PTPRN2: variants seen among roughly 807,000 people sequenced by gnomAD.
The protein encoded by PTPRN2 is protein tyrosine phosphatase receptor type N2, also known as receptor-type tyrosine-protein phosphatase N2.
PTPRN2 carries 74 observed loss-of-function variants against 118.8 expected under a neutral mutation model. That is an observed-to-expected ratio of 0.62 (90% CI 0.52 to 0.76). The LOEUF (loss-of-function observed/expected upper bound fraction) is 0.76. PTPRN2 is among the 30% of genes least tolerant of loss of function. The probability of loss-of-function intolerance (pLI) is 0.00; values close to 1 mark genes in which losing one functional copy is unlikely to be tolerated. For missense variants in PTPRN2, 1,481 were observed against 1,394.4 expected, an observed-to-expected ratio of 1.06 and a Z score of -0.99; for synonymous variants, 641 against 608.0, an observed-to-expected ratio of 1.05 and a Z score of -0.80.
rs1803030573 is a variant in PTPRN2, at chr7:157,619,610, T to C, written c.2344+1752A>G. 6.6e-6 allele frequency among the ~76,000 whole-genome samples: 1 copy of C among 152,252 alleles called. No individual in the cohort carries two copies. The highest frequency in any genetic ancestry group is 1.5e-5 in the Non-Finnish European group (1 of 68,040). On this transcript the variant is annotated intron_variant, in intron 15 of 22. Transcript: ENST00000389418. This position sits in a 1 kb window ranked among gnomAD's most constrained non-coding sequence, Gnocchi z 5.3. ...CACAGCTTCTGTTTTTAGATCTCTT[T>C]AGGGTTAAAACCCTCAGACCTCATA...
intron 1 of PTPRN2, among the ~76,000 whole-genome samples, chr7:158,560,249 C>G (rs570409519): frequency 6.6e-6 from 1 of 152,232 alleles, no homozygotes. Context: ...TTCTAACCTT[C>G]GGTTATTGTG....
chr7:158,414,761 G>A lies in PTPRN2; in HGVS notation c.163+74974C>T, dbSNP rs529990035. ...TCCACTGAACGCTGGGAGCTGTGTT[G>A]AAAGTGGGGGAGGGGCATCCACTGA... is the stretch of plus-strand genomic sequence containing the variant. On this transcript the variant is annotated intron_variant, in intron 2 of 22. Coordinates refer to ENST00000389418, the MANE Select transcript of PTPRN2 (RefSeq NM_002847.5). Among the ~76,000 whole-genome samples the A allele has an allele frequency of 1.7e-4, 26 of 152,338 alleles. No individual in the cohort carries two copies. The East Asian group carries it at 2.5e-3, about 15-fold the overall frequency.
intron 3 of PTPRN2, among the ~76,000 whole-genome samples, chr7:158,219,770 C>T (rs1294375810): frequency 6.6e-6 from 1 of 151,760 alleles, no homozygotes; most frequent in African/African-American, 2.4e-5. Context: ...TCTAGAACAC[C>T]TTGAAGAAAT....
intron 1 of PTPRN2, among the ~76,000 whole-genome samples, chr7:158,579,156 A>T (rs1387598072): frequency 6.6e-6 from 1 of 152,246 alleles, no homozygotes; most frequent in Non-Finnish European, 1.5e-5. Context: ...TACTCTCATC[A>T]TCACAACAAA....
Position 157,813,041 on chromosome 7 carries a change from A to G in PTPRN2, c.1788+85632T>C, listed in dbSNP as rs1806157375. On this transcript the variant is annotated intron_variant, in intron 12 of 22. Coordinates refer to ENST00000389418, the MANE Select transcript of PTPRN2 (RefSeq NM_002847.5). This position sits in a 1 kb window ranked among gnomAD's most constrained non-coding sequence, Gnocchi z 4.7. ...TCTGTTAAAAAGAGATGACTCGGTG[A>G]CAAACAGGAGGACGGTGCTCAAATG... 1.3e-5 allele frequency among the ~76,000 whole-genome samples: 2 copies of G among 152,182 alleles called. No individual in the cohort carries two copies. Among genetic ancestry groups the G allele is most frequent in the Admixed American group, 1.3e-4 (2 of 15,290 alleles).
At chr7:158,361,575 C>T (rs1586458804) in intron 2 of PTPRN2, among the ~76,000 whole-genome samples, 1 of 152,240 alleles carries the variant, frequency 6.6e-6, no homozygotes, top group East Asian at 1.9e-4. Context: ...GACCTGAGAC[C>T]CAAACAGCCC....
At position 157,629,347 on chromosome 7, in the gene PTPRN2, C is replaced by G. The variant is rs1359939457; in HGVS notation, c.2197-7838G>C. On this transcript the variant is annotated intron_variant, in intron 14 of 22. Transcript: ENST00000389418. This position sits in a 1 kb window ranked among gnomAD's most constrained non-coding sequence, Gnocchi z 4.4. ...GAAATTAGGTTATTTTGGCATCTATCTGTTGGCTGTAACAATGAAGAAGTG... is the reference window on the plus strand; with the variant it reads ...GAAATTAGGTTATTTTGGCATCTATGTGTTGGCTGTAACAATGAAGAAGTG... 1.3e-5 allele frequency among the ~76,000 whole-genome samples: 2 copies of G among 152,098 alleles called. No homozygotes were observed. Among genetic ancestry groups the G allele is most frequent in the Non-Finnish European group, 2.9e-5 (2 of 68,020 alleles).
intron 1 of PTPRN2, among the ~76,000 whole-genome samples, chr7:158,532,217 T>C (rs1192690670): frequency 6.6e-6 from 1 of 152,106 alleles, no homozygotes; most frequent in Non-Finnish European, 1.5e-5. Context: ...ATGCCCCCAG[T>C]GTAAAAAGAT....
At chr7:157,999,577 G>A (rs1425163168) in intron 11 of PTPRN2, among the ~76,000 whole-genome samples, 1 of 152,180 alleles carries the variant, frequency 6.6e-6, no homozygotes. Flanking sequence ...GGACTTGCTG[G>A]CACCCACCGG....
chr7:158,365,080 C>T (rs958724244), intron 2 of PTPRN2, among the ~76,000 whole-genome samples: 1 of 152,166 alleles, frequency 6.6e-6, no homozygotes, highest in African/African-American at 2.4e-5. Context: ...GTGGTTTACT[C>T]CACACTATTT....
chr7:158,070,949 CGTG>C (rs1195054216), intron 11 of PTPRN2, among the ~76,000 whole-genome samples: 2 of 51,140 alleles, frequency 3.9e-5, no homozygotes, highest in Admixed American at 3.9e-4. Flanking sequence ...TGGAGGTGCC[CGTG>C]GTGGTGGAGG....
At chr7:158,439,505 G>C (rs1038321416) in intron 2 of PTPRN2, among the ~76,000 whole-genome samples, 1 of 152,178 alleles carries the variant, frequency 6.6e-6, no homozygotes, top group African/African-American at 2.4e-5. Context: ...GGAGAAGGAA[G>C]AGAAGAAGAA....
At chr7:158,346,206 G>A (rs571959740) in intron 2 of PTPRN2, among the ~76,000 whole-genome samples, 16 of 152,276 alleles carry the variant, frequency 1.1e-4, no homozygotes, top group East Asian at 3.9e-4. Context: ...ATGTATAACC[G>A]TCTACTGTTA....
chr7:157,852,252 A>AT (rs1809332476), intron 12 of PTPRN2, among the ~76,000 whole-genome samples: 2 of 152,230 alleles, frequency 1.3e-5, no homozygotes, highest in African/African-American at 2.4e-5. Context: ...AAGGCACAGT[A>AT]TTTTTTTAAA....
intron 3 of PTPRN2, among the ~76,000 whole-genome samples, chr7:158,240,996 CA>C (rs1795874605): frequency 6.6e-6 from 1 of 152,172 alleles, no homozygotes; most frequent in African/African-American, 2.4e-5. Context: ...AAAGATGCCC[CA>C]AGGCAGCCCC....
intron 2 of PTPRN2, among the ~76,000 whole-genome samples, chr7:158,441,664 G>A (rs1384512596): frequency 6.7e-6 from 1 of 149,182 alleles, no homozygotes; most frequent in Admixed American, 6.7e-5. Context: ...GATGGTGATG[G>A]TGATGGTGAT....
chr7:158,084,300 G>A (rs970978059), intron 10 of PTPRN2, among the ~76,000 whole-genome samples: 123 of 70,290 alleles, frequency 1.7e-3, no homozygotes, highest in Middle Eastern at 8.9e-3. Flanking sequence ...CGCCCGCCAC[G>A]TCTGCTGTGC....
intron 10 of PTPRN2, among the ~76,000 whole-genome samples, chr7:158,087,843 C>T (rs1481304361): frequency 2.1e-5 from 2 of 95,190 alleles, no homozygotes; most frequent in Non-Finnish European, 5.0e-5. Flanking sequence ...TCACACAAAC[C>T]TTCTTCCCCT....
Position 157,617,859 on chromosome 7 carries a change from G to A in PTPRN2, c.2344+3503C>T, listed in dbSNP as rs565826453. The stretch of plus-strand genomic sequence containing the variant: ...TTGTCTCTCTGCATTGTTTGTCCTG[G>A]TTCTCTCTCTCTCTCTCGTTATTAC... On this transcript the variant is annotated intron_variant, in intron 15 of 22. Transcript: ENST00000389418. The surrounding 1 kb of genome is among the most constrained non-coding windows in gnomAD (Gnocchi z 7.5). The A allele has an allele frequency of 6.6e-6, 1 of 152,212 alleles. No individual in the cohort carries two copies. Among genetic ancestry groups the A allele is most frequent in the East Asian group, 1.9e-4 (1 of 5,176 alleles). 9.4% of individuals were successfully genotyped at this position (152,212 alleles called of 1,614,324 possible).
Sources: gnomAD v4.1 joint callset for allele counts (sites outside exome capture counted in the v4.1 genomes callset) on GRCh38, gnomAD v4.1.1 for gene constraint, Gnocchi (gnomAD v3.1) non-coding constraint, MANE v1.5 for transcripts, NCBI Gene and HGNC (gene_info 2026-07-23, HGNC 2026-07-21) for gene names.